The following DPP10 variants were observed in gnomAD, a reference collection of about 807,000 sequenced individuals.
DPP10 encodes the protein inactive dipeptidyl peptidase 10.
A neutral mutation model predicts 120.9 loss-of-function variants in DPP10; 33 were observed. The observed-to-expected ratio is 0.27, with a 90% confidence interval of 0.21 to 0.37. The LOEUF (loss-of-function observed/expected upper bound fraction) is 0.37. DPP10 is among the 10% of genes least tolerant of loss of function. DPP10 has a pLI of 1.00. For missense variants in DPP10, 816 were observed against 942.8 expected (o/e 0.87, Z 1.76); for synonymous variants, 337 against 326.1 (o/e 1.03, Z -0.36).
intron 1 of DPP10, among the ~76,000 whole-genome samples, chr2:114,940,171 G>A (rs1476850793): frequency 6.6e-6 from 1 of 152,120 alleles, no homozygotes; most frequent in Non-Finnish European, 1.5e-5. Flanking sequence ...CAAAAGCATT[G>A]ATAATCGAAG....
chr2:115,700,304 T>G (rs2149530301), intron 7 of DPP10, among the ~76,000 whole-genome samples: 1 of 152,120 alleles, frequency 6.6e-6, no homozygotes. Flanking sequence ...AGTAGTATAC[T>G]ACATTAATGA....
At chr2:115,489,294 C>T (rs79085668) in intron 3 of DPP10, among the ~76,000 whole-genome samples, 3,004 of 151,372 alleles carry the variant, frequency 0.02, 55 homozygotes, top group Non-Finnish European at 0.029. Flanking sequence ...GTTTATGGAC[C>T]CCTGATCTAG....
intron 1 of DPP10, among the ~76,000 whole-genome samples, chr2:114,705,850 G>T (rs901838431): frequency 2.6e-5 from 4 of 152,222 alleles, no homozygotes; most frequent in African/African-American, 9.6e-5. Context: ...TTCAGGTGTG[G>T]GTTGATCATG....
At chr2:115,815,833 A>T in intron 21 of DPP10, 104 bp downstream of exon 21, 1 of 1,123,820 alleles carries the variant, frequency 8.9e-7, no homozygotes. Context: ...TAAGTTCCAT[A>T]TTGACTGGGA....
At chr2:114,868,310 T>C (rs1232598528) in intron 1 of DPP10, among the ~76,000 whole-genome samples, 1 of 150,368 alleles carries the variant, frequency 6.7e-6, no homozygotes, top group African/African-American at 2.5e-5. Context: ...TCCATTCTTC[T>C]GCCCTACAAT....
chr2:114,823,165 A>G (rs1027732769), intron 1 of DPP10, among the ~76,000 whole-genome samples: 1 of 152,192 alleles, frequency 6.6e-6, no homozygotes, highest in Admixed American at 6.5e-5. Context: ...AAGATGTTTA[A>G]CTGACTCACA....
intron 1 of DPP10, among the ~76,000 whole-genome samples, chr2:114,675,052 T>C (rs545041484): frequency 1.4e-4 from 22 of 152,282 alleles, no homozygotes; most frequent in African/African-American, 5.3e-4. Flanking sequence ...TCTTGCAGTA[T>C]GCCAGCAGTT....
intron 1 of DPP10, among the ~76,000 whole-genome samples, chr2:114,582,317 C>T (rs1027490527): frequency 1.6e-4 from 24 of 152,236 alleles, no homozygotes; most frequent in Admixed American, 2.6e-4. Flanking sequence ...TGTCTAGGTG[C>T]GCCATAATTT....
chr2:114,730,639 G>C (rs1676804698), intron 1 of DPP10, among the ~76,000 whole-genome samples: 1 of 152,072 alleles, frequency 6.6e-6, no homozygotes, highest in African/African-American at 2.4e-5. Flanking sequence ...TGTCATCCAG[G>C]CTGGAGTGCA....
chr2:114,816,496 T>C (rs1372626194), intron 1 of DPP10, among the ~76,000 whole-genome samples: 1 of 152,222 alleles, frequency 6.6e-6, no homozygotes, highest in Non-Finnish European at 1.5e-5. Context: ...ATCATTTTAA[T>C]CTCAGATCAA....
intron 1 of DPP10, among the ~76,000 whole-genome samples, chr2:114,667,684 G>A (rs1698031650): frequency 6.6e-6 from 1 of 152,256 alleles, no homozygotes; most frequent in East Asian, 1.9e-4. Context: ...AAGGGATATT[G>A]AGTAAATGCT....
At chr2:115,748,525 C>T (rs1199580670) in intron 10 of DPP10, among the ~76,000 whole-genome samples, 1 of 151,944 alleles carries the variant, frequency 6.6e-6, no homozygotes, top group African/African-American at 2.4e-5. Flanking sequence ...AGATTTTTTT[C>T]ATGACTTCCA....
chr2:115,255,996 G>T (rs1330930685), intron 1 of DPP10, among the ~76,000 whole-genome samples: 1 of 152,106 alleles, frequency 6.6e-6, no homozygotes, highest in Non-Finnish European at 1.5e-5. Context: ...ACGTTTTCGG[G>T]TCTCTTTACG....
intron 1 of DPP10, among the ~76,000 whole-genome samples, chr2:114,861,961 G>A (rs1558818885): frequency 1.3e-5 from 2 of 152,000 alleles, no homozygotes; most frequent in South Asian, 4.2e-4. Flanking sequence ...AAAACAATGA[G>A]TGAATAATTT....
intron 1 of DPP10, among the ~76,000 whole-genome samples, chr2:115,004,021 G>A (rs1039260965): frequency 6.6e-6 from 1 of 152,128 alleles, no homozygotes; most frequent in Non-Finnish European, 1.5e-5. Context: ...TAACAAACAT[G>A]TATTTGCTTA....
intron 1 of DPP10, among the ~76,000 whole-genome samples, chr2:114,617,908 T>C (rs976459504): frequency 2.0e-5 from 3 of 152,090 alleles, no homozygotes; most frequent in African/African-American, 4.8e-5. Flanking sequence ...CAGTACCCAC[T>C]TGAAGCAATC....
intron 1 of DPP10, among the ~76,000 whole-genome samples, chr2:114,585,186 G>A (rs1350613545): frequency 1.3e-5 from 2 of 152,136 alleles, no homozygotes; most frequent in Non-Finnish European, 2.9e-5. Flanking sequence ...GGAGACTCTA[G>A]GGAAGAGACC....
intron 1 of DPP10, among the ~76,000 whole-genome samples, chr2:115,223,443 G>A (rs11123289): frequency 0.4 from 61,293 of 151,792 alleles, 13,537 homozygotes; most frequent in Non-Finnish European, 0.5. Context: ...CCTAAGAATG[G>A]ATTAACTAGT....
chr2:114,617,807 T>C (rs1326655510), intron 1 of DPP10, among the ~76,000 whole-genome samples: 1 of 152,142 alleles, frequency 6.6e-6, no homozygotes, highest in Non-Finnish European at 1.5e-5. Context: ...ATGTGACTAT[T>C]TATTGCCCTC....
Sources: gnomAD v4.1 joint callset for allele counts (sites outside exome capture counted in the v4.1 genomes callset) on GRCh38, gnomAD v4.1.1 for gene constraint, MANE v1.5 for transcripts, NCBI Gene and HGNC (gene_info 2026-07-23, HGNC 2026-07-21) for gene names.